PCSK5: variants seen among roughly 807,000 people sequenced by gnomAD.
The protein encoded by PCSK5 is proprotein convertase subtilisin/kexin type 5, also known as prohormone convertase 5.
A neutral mutation model predicts 233.2 loss-of-function variants in PCSK5; 129 were observed. The observed-to-expected ratio is 0.55, with a 90% CI of 0.48 to 0.64. The LOEUF (loss-of-function observed/expected upper bound fraction) is 0.64, where lower values mean the gene tolerates loss of function less well. PCSK5 is among the 30% of genes least tolerant of loss of function. PCSK5 has a pLI of 0.00. For missense variants in PCSK5, 2,076 were observed against 2,430.1 expected (o/e 0.85, Z 3.06); for synonymous variants, 825 against 879.2 (o/e 0.94, Z 1.09).
intron 10 of PCSK5, among the ~76,000 whole-genome samples, chr9:76,153,591 C>T (rs1056543089): frequency 2.0e-5 from 3 of 152,140 alleles, no homozygotes; most frequent in African/African-American, 7.2e-5. Context: ...ATGGAATGGC[C>T]GTATCGTAAC....
chr9:76,032,857 C>T (rs1563984003), intron 5 of PCSK5, among the ~76,000 whole-genome samples: 1 of 152,194 alleles, frequency 6.6e-6, no homozygotes, highest in Non-Finnish European at 1.5e-5. Context: ...GTCACAGCAA[C>T]ATTTAGCAGG....
At chr9:76,349,291 A>G (rs1830060063) in intron 35 of PCSK5, among the ~76,000 whole-genome samples, 1 of 60,780 alleles carries the variant, frequency 1.6e-5, no homozygotes, top group Admixed American at 2.7e-4. Flanking sequence ...AAAAAAAAAA[A>G]GAAAAAAGAA....
intron 24 of PCSK5, among the ~76,000 whole-genome samples, chr9:76,291,087 G>A (rs1469762142): frequency 2.0e-5 from 3 of 152,246 alleles, no homozygotes; most frequent in Admixed American, 2.0e-4. Context: ...AGGTTCTGCA[G>A]ATCCCTGCTT....
intron 7 of PCSK5, among the ~76,000 whole-genome samples, chr9:76,086,107 A>G (rs1294028590): frequency 1.3e-5 from 2 of 152,148 alleles, no homozygotes. Flanking sequence ...AATTTCATAA[A>G]CCTGGCCCTC....
chr9:76,296,494 G>A (rs1828441715), intron 26 of PCSK5, among the ~76,000 whole-genome samples, 171 bp from the exon 27 acceptor site: 1 of 152,126 alleles, frequency 6.6e-6, no homozygotes, highest in Non-Finnish European at 1.5e-5. Flanking sequence ...AGTGAGCCGA[G>A]ATCATGCCAC....
chr9:76,000,855 A>G (rs1827230759), intron 3 of PCSK5, among the ~76,000 whole-genome samples: 1 of 150,624 alleles, frequency 6.6e-6, no homozygotes, highest in African/African-American at 2.4e-5. Context: ...TGCTTCCATT[A>G]TTATCTTGCA....
intron 22 of PCSK5, among the ~76,000 whole-genome samples, chr9:76,237,708 G>A (rs1826295149): frequency 6.6e-6 from 1 of 152,088 alleles, no homozygotes; most frequent in African/African-American, 2.4e-5. Flanking sequence ...CCCAGGAGAG[G>A]AGGTTGCAGT....
intron 20 of PCSK5, among the ~76,000 whole-genome samples, chr9:76,209,107 T>C (rs1009094848): frequency 6.6e-6 from 1 of 152,232 alleles, no homozygotes; most frequent in Non-Finnish European, 1.5e-5. Context: ...CAAGCCTAGA[T>C]AGAATAGGGC....
intron 27 of PCSK5, among the ~76,000 whole-genome samples, chr9:76,299,132 G>C (rs1828531037): frequency 6.6e-6 from 1 of 152,170 alleles, no homozygotes; most frequent in Admixed American, 6.5e-5. Context: ...ACCATTCTTT[G>C]CCAACTGCCA....
At chr9:76,226,913 T>A (rs557528360) in intron 20 of PCSK5, among the ~76,000 whole-genome samples, 3 of 152,326 alleles carry the variant, frequency 2.0e-5, no homozygotes, top group South Asian at 4.1e-4. Flanking sequence ...TGTTTTTCCT[T>A]GGGAAAGATA....
chr9:76,188,807 A>G (rs182388041), intron 18 of PCSK5, 132 bp downstream of exon 18: 47 of 686,932 alleles, frequency 6.8e-5, no homozygotes, highest in African/African-American at 6.6e-4. Flanking sequence ...TCGTTTGATA[A>G]TTGTGTGTGT....
chr9:75,974,011 G>A (rs944063990), intron 2 of PCSK5, among the ~76,000 whole-genome samples: 2 of 152,184 alleles, frequency 1.3e-5, no homozygotes, highest in African/African-American at 2.4e-5. Flanking sequence ...GGGGAGATTC[G>A]CTGCTCCTGG....
intron 34 of PCSK5, among the ~76,000 whole-genome samples, chr9:76,333,801 T>C (rs147454928): frequency 8.7e-4 from 133 of 152,334 alleles, no homozygotes; most frequent in African/African-American, 3.0e-3. Flanking sequence ...ACTGCTTGTT[T>C]CATTCATTTT....
At chr9:75,907,192 CT>C (rs886839648) in intron 1 of PCSK5, among the ~76,000 whole-genome samples, 22 of 147,666 alleles carry the variant, frequency 1.5e-4, no homozygotes, top group South Asian at 2.2e-4. Context: ...TAAGTTTGTC[CT>C]TTTTTTTTTC....
chr9:76,331,220 A>G (rs1384692144), intron 33 of PCSK5, among the ~76,000 whole-genome samples: 1 of 152,176 alleles, frequency 6.6e-6, no homozygotes, highest in South Asian at 2.1e-4. Context: ...GCCCCCCTGA[A>G]GATGACACAT....
intron 5 of PCSK5, among the ~76,000 whole-genome samples, chr9:76,064,159 ACGGGGCGGC>A (rs1830157961): frequency 8.4e-6 from 1 of 119,180 alleles, no homozygotes; most frequent in African/African-American, 3.9e-5. Context: ...TCCCTCCCGG[ACGGGGCGGC>A]TGGCCAGGCG....
chr9:76,072,295 T>A (rs949580614), intron 7 of PCSK5, among the ~76,000 whole-genome samples: 1 of 152,158 alleles, frequency 6.6e-6, no homozygotes, highest in Non-Finnish European at 1.5e-5. Context: ...TTTAATACTT[T>A]CCCTAGTTTC....
chr9:76,249,281 T>G (rs1211561598), intron 24 of PCSK5, among the ~76,000 whole-genome samples: 1 of 152,072 alleles, frequency 6.6e-6, no homozygotes, highest in Non-Finnish European at 1.5e-5. Flanking sequence ...GTCCAAAATG[T>G]CAATAATGCT....
chr9:75,891,649 G>GC (rs1825610826), intron 1 of PCSK5, among the ~76,000 whole-genome samples: 1 of 152,118 alleles, frequency 6.6e-6, no homozygotes. Flanking sequence ...AATCCAGAGT[G>GC]CCCCCGTGGT....
Sources: gnomAD v4.1 joint callset for allele counts (sites outside exome capture counted in the v4.1 genomes callset) on GRCh38, gnomAD v4.1.1 for gene constraint, MANE v1.5 for transcripts, NCBI Gene and HGNC (gene_info 2026-07-23, HGNC 2026-07-21) for gene names.